NR4A1: variants seen among roughly 807,000 people sequenced by gnomAD.
NR4A1 encodes the protein nuclear receptor subfamily 4immunitygroup A member 1.
NR4A1 carries 24 observed loss-of-function variants against 47.5 expected under a neutral mutation model. That is an observed-to-expected ratio of 0.50 (90% CI 0.37 to 0.71). The LOEUF (loss-of-function observed/expected upper bound fraction) is 0.71, where lower values mean the gene tolerates loss of function less well. NR4A1 is among the 30% of genes least tolerant of loss of function. NR4A1 has a pLI of 0.00. For synonymous variants in NR4A1, 353 were observed against 345.7 expected (o/e 1.02, Z -0.24); for missense variants, 669 against 788.6 (o/e 0.85, Z 1.82).
Position 52,054,733 on chromosome 12 carries a change from C to G in NR4A1, c.405C>G (p.Pro135=). The G allele has an allele frequency of 6.2e-7, 1 of 1,613,180 alleles. No homozygotes were observed. Among genetic ancestry groups the G allele is most frequent in the Non-Finnish European group, 8.5e-7 (1 of 1,180,014 alleles). The part of the protein sequence containing the change: ...SSSGSDYYGS[P]CSAPSPSTPS... The stretch of plus-strand genomic sequence containing the variant: ...GTGGCTCTGACTACTATGGCAGCCC[C>G]TGCTCGGCCCCGTCGCCCTCCACGC... Residue 135 remains proline, a synonymous_variant, in exon 2 of 7, where the codon CCC becomes CCG. Transcript: ENST00000394825.
intron 6 of NR4A1, among the ~76,000 whole-genome samples, chr12:52,058,005 A>C (rs1281312368): frequency 6.6e-6 from 1 of 152,108 alleles, no homozygotes; most frequent in Non-Finnish European, 1.5e-5. Flanking sequence ...TATTTTAAAA[A>C]TAAGATGGGA....
chr12:52,045,298 C>G (rs1938589179), intron 2 of NR4A1, among the ~76,000 whole-genome samples: 1 of 152,254 alleles, frequency 6.6e-6, no homozygotes, highest in African/African-American at 2.4e-5. Flanking sequence ...CCCCAGGATT[C>G]TGCTGCAGGC....
At chr12:52,054,024 T>C (rs1882119) in intron 1 of NR4A1, 62,998 of 384,162 alleles carry the variant, frequency 0.16, 8,325 homozygotes, top group African/African-American at 0.49. Context: ...CCCCCTGTTC[T>C]AGCAGAGAAA....
At chr12:52,028,314 G>A (rs562340264) in intron 1 of NR4A1, among the ~76,000 whole-genome samples, 5 of 151,496 alleles carry the variant, frequency 3.3e-5, no homozygotes, top group South Asian at 2.1e-4. Flanking sequence ...AGTGGCTCAC[G>A]CCTGTAATCC....
intron 1 of NR4A1, chr12:52,038,717 G>A (rs781615943): frequency 3.9e-6 from 3 of 764,834 alleles, no homozygotes; most frequent in East Asian, 2.4e-5. Flanking sequence ...GGAATGACAA[G>A]TGCACAGTAT....
upstream of NR4A1, among the ~76,000 whole-genome samples, chr12:52,051,137 G>C (rs538559737): frequency 1.1e-4 from 16 of 152,358 alleles, no homozygotes; most frequent in Admixed American, 9.8e-4. Flanking sequence ...AGTGGGCCTG[G>C]GAGCTGCTAT....
At chr12:52,032,538 A>C (rs1938148437) in intron 1 of NR4A1, among the ~76,000 whole-genome samples, 1 of 152,216 alleles carries the variant, frequency 6.6e-6, no homozygotes, top group Non-Finnish European at 1.5e-5. Context: ...ACACCATGGC[A>C]CTTACTGCTT....
At chr12:52,055,269 G>A (rs771390734) in intron 2 of NR4A1, 65 bp downstream of exon 2, 419 of 1,586,274 alleles carry the variant, frequency 2.6e-4, no homozygotes, top group Non-Finnish European at 3.4e-4. Context: ...CATCCCATTG[G>A]GACCTGTGGT....
intron 2 of NR4A1, 138 bp downstream of exon 2, chr12:52,055,342 TG>T (rs1048465657): frequency 1.1e-5 from 13 of 1,144,792 alleles, no homozygotes; most frequent in South Asian, 1.5e-5. Context: ...CCCTGCCAGG[TG>T]GGCCGCCTTC....
rs1592306894 is a variant in NR4A1 at position 52,055,780 on chromosome 12, C to T, written c.877-250C>T. The T allele has an allele frequency of 4.4e-5, 17 of 384,420 alleles. No homozygotes were observed. The East Asian group carries it at 6.9e-4, about 16-fold the overall frequency. The allele number at this position is 384,420 out of a possible 1,614,324, so 23.8% of individuals were successfully genotyped here. On this transcript the variant is annotated intron_variant, in intron 2 of 6. Coordinates refer to ENST00000394825, the MANE Select transcript of NR4A1 (RefSeq NM_173157.3). ...AGGTGTCTAGACTGCCAGGGAGACCCTGGCCCCCAGTAGTGTGTCCTGGGG... is the reference window on the plus strand; with the variant it reads ...AGGTGTCTAGACTGCCAGGGAGACCTTGGCCCCCAGTAGTGTGTCCTGGGG...
chr12:52,027,549 A>G (rs904129929), intron 1 of NR4A1, among the ~76,000 whole-genome samples: 11 of 152,248 alleles, frequency 7.2e-5, no homozygotes, highest in Non-Finnish European at 1.0e-4. Flanking sequence ...ATCTCTGCAG[A>G]CAGTCAGCAC....
chr12:52,056,338 G>A, intron 3 of NR4A1, 156 bp from the exon 4 acceptor site: 1 of 1,355,552 alleles, frequency 7.4e-7, no homozygotes, highest in Non-Finnish European at 1.0e-6. Flanking sequence ...TGTGAGGGTG[G>A]TGGCAGGGGG....
At chr12:52,044,910 T>C (rs1446748946) in intron 2 of NR4A1, among the ~76,000 whole-genome samples, 1 of 151,498 alleles carries the variant, frequency 6.6e-6, no homozygotes, top group Non-Finnish European at 1.5e-5. Flanking sequence ...CAGCCCCGTC[T>C]GGTGGTTCTT....
Position 52,055,059 on chromosome 12 carries a change from G to A in NR4A1, c.731G>A (p.Gly244Glu), listed in dbSNP as rs1298663210. ...APTSPHLEGS[G>E]ILDTPVTSTK... ...ACTTCTCCACACCTTGAGGGCTCGG[G>A]GATACTGGATACACCCGTGACCTCA... Residue 244 changes from glycine (G) to glutamate (E), a missense_variant, in exon 2 of 7, where the codon GGG (glycine) becomes GAG (glutamate). Physicochemically the swap from Gly to Glu is moderately conservative, Grantham distance 98 (BLOSUM62 -2). Coordinates refer to ENST00000394825, the MANE Select transcript of NR4A1 (RefSeq NM_173157.3). 6.2e-7 allele frequency: 1 copy of A among 1,614,264 alleles called. No homozygotes were observed. Among genetic ancestry groups the A allele is most frequent in the Non-Finnish European group, 8.5e-7 (1 of 1,180,052 alleles).
chr12:52,047,012 G>A (rs1938673741), upstream of NR4A1, among the ~76,000 whole-genome samples: 1 of 152,048 alleles, frequency 6.6e-6, no homozygotes, highest in African/African-American at 2.4e-5. Flanking sequence ...CAGATGGATA[G>A]GCTGGGCCGT....
At chr12:52,043,688 A>G in intron 2 of NR4A1, 1 of 1,234,074 alleles carries the variant, frequency 8.1e-7, no homozygotes, top group Non-Finnish European at 1.0e-6. Context: ...TCTGCTATAT[A>G]AACAGAGGAG....
upstream of NR4A1, among the ~76,000 whole-genome samples, chr12:52,046,908 CACAGTGGGT>C (rs1220363106): frequency 6.6e-6 from 1 of 152,140 alleles, no homozygotes; most frequent in Admixed American, 6.5e-5. Context: ...AAACAGTATG[CACAGTGGGT>C]GAAACAGTAT....
At chr12:52,047,701 T>G (rs1225158242), upstream of NR4A1, among the ~76,000 whole-genome samples, 2 of 152,150 alleles carry the variant, frequency 1.3e-5, no homozygotes, top group African/African-American at 4.8e-5. Flanking sequence ...ATGCTGAGAT[T>G]CAGACCAGGG....
intron 1 of NR4A1, among the ~76,000 whole-genome samples, chr12:52,040,907 G>A (rs1938408258): frequency 6.6e-6 from 1 of 152,210 alleles, no homozygotes; most frequent in Non-Finnish European, 1.5e-5. Context: ...GTAGTCGAGA[G>A]GAGAGAGCAC....
Sources: allele counts gnomAD v4.1 joint callset (sites outside exome capture counted in the v4.1 genomes callset), GRCh38; gene constraint gnomAD v4.1.1; transcripts MANE v1.5; gene names NCBI Gene and HGNC (gene_info 2026-07-23, HGNC 2026-07-21).